PLCG2: variants seen among roughly 807,000 people sequenced by gnomAD.
PLCG2 encodes phospholipase C gamma 2, also known as 1-phosphatidylinositol 4,5-bisphosphate phosphodiesterase gamma-2.
PLCG2 carries 69 observed loss-of-function variants against 175.6 expected under a neutral mutation model. The observed-to-expected ratio is 0.39, with a 90% CI of 0.32 to 0.48. The LOEUF (loss-of-function observed/expected upper bound fraction) is 0.48. PLCG2 is among the 20% of genes least tolerant of loss of function. The pLI, the probability that PLCG2 is intolerant of heterozygous loss-of-function variation, is 0.91. For synonymous variants in PLCG2, 827 were observed against 624.0 expected, an observed-to-expected ratio of 1.33 and a Z score of -4.85; for missense variants, 1,798 against 1,650.9, an observed-to-expected ratio of 1.09 and a Z score of -1.54.
At chr16:81,749,519 A>C (rs1166708226) in intron 1 of PLCG2, among the ~76,000 whole-genome samples, 1 of 151,976 alleles carries the variant, frequency 6.6e-6, no homozygotes, top group Non-Finnish European at 1.5e-5. Flanking sequence ...AGCCCAGCTA[A>C]TTATGTGTAT....
At chr16:81,821,926 C>T (rs1212172499) in intron 2 of PLCG2, among the ~76,000 whole-genome samples, 2 of 151,762 alleles carry the variant, frequency 1.3e-5, no homozygotes, top group Non-Finnish European at 2.9e-5. Flanking sequence ...CCTGGGGTTC[C>T]ATCCCAGATC....
intron 2 of PLCG2, among the ~76,000 whole-genome samples, chr16:81,851,314 G>T (rs1453866795): frequency 2.0e-5 from 3 of 152,194 alleles, no homozygotes; most frequent in African/African-American, 7.2e-5. Context: ...CGCTGGTGCA[G>T]TGCTATTAAT....
intron 2 of PLCG2, among the ~76,000 whole-genome samples, chr16:81,850,603 A>C (rs1340057021): frequency 1.3e-5 from 2 of 152,198 alleles, no homozygotes; most frequent in Non-Finnish European, 2.9e-5. Context: ...GAGAAGCAGC[A>C]CAAGAGAAAG....
At chr16:81,753,563 C>T (rs896033000) in intron 1 of PLCG2, among the ~76,000 whole-genome samples, 6 of 151,886 alleles carry the variant, frequency 4.0e-5, no homozygotes, top group African/African-American at 7.3e-5. Flanking sequence ...GGATTATAGG[C>T]GCACATTACC....
chr16:81,934,568 A>T lies in PLCG2; in HGVS notation c.2842+37A>T, dbSNP rs780937606. Reference sequence around the variant, plus strand: ...CCCAAGAACATGCCCTATAACTCCAATGAAAACTTAACTTCCTTTAGAGTC... The same window carrying T: ...CCCAAGAACATGCCCTATAACTCCATTGAAAACTTAACTTCCTTTAGAGTC... On this transcript the variant is annotated intron_variant, in intron 26 of 32. Transcript: ENST00000564138. 11 of 1,217,964 alleles carry T rather than the reference A, an allele frequency of 9.0e-6. No individual in the cohort carries two copies. In the East Asian group the frequency reaches 1.2e-4, roughly 13 times the overall value. The allele number at this position is 1,217,964 out of a possible 1,614,324, so 75.4% of individuals were successfully genotyped here.
intron 3 of PLCG2, 92 bp downstream of exon 3, chr16:81,854,679 C>G: frequency 8.8e-7 from 1 of 1,134,404 alleles, no homozygotes; most frequent in Non-Finnish European, 1.3e-6. Context: ...CCCCTGCCTG[C>G]TCACTGATGT....
At chr16:81,870,809 G>T in intron 6 of PLCG2, 43 bp from the exon 7 acceptor site, 1 of 1,043,574 alleles carries the variant, frequency 9.6e-7, no homozygotes, top group Non-Finnish European at 1.4e-6. Context: ...CATTCTTACG[G>T]TGGACATCAA....
chr16:81,813,434 T>C (rs1008369627), intron 2 of PLCG2, among the ~76,000 whole-genome samples: 4 of 152,340 alleles, frequency 2.6e-5, no homozygotes, highest in Admixed American at 2.6e-4. Context: ...TTAGTAGCAA[T>C]TGTGAATGGG....
chr16:81,770,973 G>T (rs887850097), intron 2 of PLCG2, among the ~76,000 whole-genome samples: 1 of 151,692 alleles, frequency 6.6e-6, no homozygotes, highest in Non-Finnish European at 1.5e-5. Flanking sequence ...CAGGAGAATG[G>T]TGTGAACCCG....
intron 2 of PLCG2, among the ~76,000 whole-genome samples, chr16:81,832,054 A>G (rs1050559993): frequency 6.6e-6 from 1 of 151,976 alleles, no homozygotes; most frequent in African/African-American, 2.4e-5. Context: ...CACAGTTACC[A>G]GCAGTGGGCT....
At chr16:81,822,672 G>C (rs1234840663) in intron 2 of PLCG2, among the ~76,000 whole-genome samples, 1 of 141,360 alleles carries the variant, frequency 7.1e-6, no homozygotes, top group Non-Finnish European at 1.5e-5. Context: ...CAGGAGAATC[G>C]CTTGAACCCG....
At chr16:81,758,943 G>C (rs936488830) in intron 2 of PLCG2, among the ~76,000 whole-genome samples, 2 of 152,158 alleles carry the variant, frequency 1.3e-5, no homozygotes, top group Non-Finnish European at 2.9e-5. Context: ...CTCCCAAAGT[G>C]CTGAGATTAC....
At chr16:81,867,759 G>A (rs1470382214) in intron 5 of PLCG2, among the ~76,000 whole-genome samples, 3 of 151,846 alleles carry the variant, frequency 2.0e-5, no homozygotes, top group East Asian at 3.9e-4. Flanking sequence ...GTGCAGTGGC[G>A]TGATCTCGGC....
At chr16:81,787,393 A>ATTTTTTTTTTTTTTTTTTTTTT (rs67160306) in intron 2 of PLCG2, among the ~76,000 whole-genome samples, 3 of 94,580 alleles carry the variant, frequency 3.2e-5, no homozygotes, top group Admixed American at 1.3e-4. Flanking sequence ...GGATAATTTA[A>ATTTTTTTTTTTTTTTTTTTTTT]TTTTTTTTTT....
At chr16:81,858,075 C>T (rs1444757663) in intron 3 of PLCG2, 188 bp from the exon 4 acceptor site, 3 of 558,194 alleles carry the variant, frequency 5.4e-6, no homozygotes, top group African/African-American at 3.7e-5. Flanking sequence ...AATGTGTGGC[C>T]CCATCTCAGA....
chr16:81,863,857 G>T, intron 5 of PLCG2, among the ~76,000 whole-genome samples: 1 of 152,320 alleles, frequency 6.6e-6, no homozygotes, highest in Non-Finnish European at 1.5e-5. Flanking sequence ...GGTGGCAAAG[G>T]GTGAGGGGGT....
In PLCG2 at chr16:81,891,588, C is replaced by T. The variant is rs775095056; in HGVS notation, c.984C>T (p.Asn328=). Residue 328 remains asparagine, a splice_region_variant and synonymous_variant, in exon 11 of 33, where the codon AAC becomes AAT. Transcript: ENST00000564138. ...LSHYWISSSH[N]TYLTGDQLRS... The stretch of plus-strand genomic sequence containing the variant: ...ATTACTGGATCTCCTCGTCACATAA[C>T]ACGTGAGTTTCAGATGAGCCTGTGA... The T allele has an allele frequency of 4.5e-6, 7 of 1,549,768 alleles. No homozygotes were observed. In the South Asian group the frequency reaches 5.6e-5, roughly 12 times the overall value.
chr16:81,793,440 A>G (rs1911328199), intron 2 of PLCG2, among the ~76,000 whole-genome samples: 1 of 152,086 alleles, frequency 6.6e-6, no homozygotes, highest in East Asian at 1.9e-4. Context: ...ATGTGGTGCC[A>G]CCTGTTTGTG....
chr16:81,948,342 A>C (rs1006098267), intron 31 of PLCG2, among the ~76,000 whole-genome samples: 1 of 151,198 alleles, frequency 6.6e-6, no homozygotes, highest in African/African-American at 2.4e-5. Flanking sequence ...GAAAATAGGA[A>C]AGCTTAAATA....
Sources: gnomAD v4.1 joint callset for allele counts (sites outside exome capture counted in the v4.1 genomes callset) on GRCh38, gnomAD v4.1.1 for gene constraint, MANE v1.5 for transcripts, NCBI Gene and HGNC (gene_info 2026-07-23, HGNC 2026-07-21) for gene names.